CELF5: variants seen among roughly 807,000 people sequenced by gnomAD.
The protein encoded by CELF5 is CUG-BP and ETR-3 like factor 5.
A neutral mutation model predicts 54.9 loss-of-function variants in CELF5; 6 were observed. The observed-to-expected ratio is 0.11, with a 90% CI of 0.06 to 0.22. The LOEUF is 0.22. CELF5 is among the 10% of genes least tolerant of loss of function. CELF5 has a pLI of 1.00. For synonymous variants in CELF5, 271 were observed against 290.9 expected (o/e 0.93, Z 0.70); for missense variants, 401 against 678.6 (o/e 0.59, Z 4.54).
intron 1 of CELF5, among the ~76,000 whole-genome samples, chr19:3,225,794 T>G (rs1916875554): frequency 6.7e-6 from 1 of 149,450 alleles, no homozygotes; most frequent in African/African-American, 2.5e-5. Flanking sequence ...GCCTCCACCT[T>G]GGGCTCAAGT....
rs1478776939 is a variant in CELF5 at position 3,284,968 on chromosome 19, G to A, written c.1102+4G>A. ...TCCGGAGTCCAGCAGTACACAGGTA[G>A]GAGGCAGCCCGCGTGCCCGCGCTGG... On this transcript the variant is annotated splice_donor_region_variant and intron_variant, in intron 9 of 12. Coordinates refer to ENST00000292672, the MANE Select transcript of CELF5 (RefSeq NM_021938.4). 3 of 1,604,398 alleles carry A rather than the reference G, an allele frequency of 1.9e-6. No homozygotes were observed. Among genetic ancestry groups the A allele is most frequent in the African/African-American group, 1.3e-5 (1 of 74,844 alleles).
intron 3 of CELF5, among the ~76,000 whole-genome samples, chr19:3,274,521 A>G (rs1309813523): frequency 1.3e-5 from 2 of 152,168 alleles, no homozygotes; most frequent in African/African-American, 4.8e-5. Context: ...GTGTTTGCAC[A>G]TGTGTGCCTG....
At chr19:3,277,748 G>A (rs573529111) in intron 4 of CELF5, among the ~76,000 whole-genome samples, 2 of 152,058 alleles carry the variant, frequency 1.3e-5, no homozygotes, top group African/African-American at 2.4e-5. Context: ...TGTGTGTGTG[G>A]CTGTCTGTCT....
intron 1 of CELF5, among the ~76,000 whole-genome samples, chr19:3,246,182 G>A (rs976574969): frequency 6.6e-6 from 1 of 151,844 alleles, no homozygotes; most frequent in African/African-American, 2.4e-5. Context: ...TGGCCAACAT[G>A]GTGAAACCCT....
intron 11 of CELF5, 50 bp from the exon 12 acceptor site, chr19:3,293,269 C>A: frequency 6.2e-7 from 1 of 1,606,888 alleles, no homozygotes; most frequent in East Asian, 2.2e-5. Context: ...TAGGAACAAG[C>A]CGAGGACACC....
At chr19:3,235,351 C>T (rs1486209311) in intron 1 of CELF5, among the ~76,000 whole-genome samples, 1 of 151,678 alleles carries the variant, frequency 6.6e-6, no homozygotes, top group East Asian at 1.9e-4. Context: ...CTCTAACATA[C>T]TATATATATC....
intron 2 of CELF5, among the ~76,000 whole-genome samples, chr19:3,255,068 A>C (rs2079704372): frequency 6.6e-6 from 1 of 152,014 alleles, no homozygotes; most frequent in Admixed American, 6.6e-5. Context: ...TATTTACCCC[A>C]CGCTATGCTA....
chr19:3,225,636 C>T (rs1916862247), intron 1 of CELF5: 2 of 976,592 alleles, frequency 2.0e-6, no homozygotes, highest in South Asian at 4.7e-5. Context: ...CAAAGGAAGA[C>T]GGGTTGGGGG....
At chr19:3,284,819 T>C in intron 8 of CELF5, 83 bp from the exon 9 acceptor site, 5 of 1,197,736 alleles carry the variant, frequency 4.2e-6, no homozygotes, top group Non-Finnish European at 6.2e-6. Context: ...TGTTTGTTGC[T>C]GTCCTTGCGG....
At chr19:3,229,112 G>T (rs1917125184) in intron 1 of CELF5, among the ~76,000 whole-genome samples, 1 of 90,756 alleles carries the variant, frequency 1.1e-5, no homozygotes, top group South Asian at 3.3e-4. Context: ...CCCGCTTCAG[G>T]CAAAGAGCAT....
Position 3,255,802 on chromosome 19 carries a change from T to G in CELF5, c.342+4735T>G, listed in dbSNP as rs371092826. On this transcript the variant is annotated intron_variant, in intron 2 of 12. Coordinates refer to ENST00000292672, the MANE Select transcript of CELF5 (RefSeq NM_021938.4). ...AAGGTGGGTCAGGCGCGGTGGCTCA[T>G]GCCTGTAATCCCAGCACTTTGGGAG... 3.4e-4 allele frequency among the ~76,000 whole-genome samples: 51 copies of G among 152,174 alleles called. No homozygotes were observed. In the South Asian group the frequency reaches 9.6e-3, roughly 28 times the overall value.
chr19:3,234,536 C>T (rs1342473672), intron 1 of CELF5, among the ~76,000 whole-genome samples: 1 of 152,086 alleles, frequency 6.6e-6, no homozygotes, highest in Non-Finnish European at 1.5e-5. Context: ...CTCAATACCC[C>T]ACAGCGCCCA....
chr19:3,274,496 C>T (rs976745153), intron 3 of CELF5, among the ~76,000 whole-genome samples: 4 of 152,110 alleles, frequency 2.6e-5, no homozygotes, highest in African/African-American at 4.8e-5. Flanking sequence ...GTGCCCAGCC[C>T]GCGCATGGGT....
intron 2 of CELF5, among the ~76,000 whole-genome samples, chr19:3,257,551 C>T (rs1177559148): frequency 1.3e-5 from 2 of 151,956 alleles, no homozygotes; most frequent in African/African-American, 4.8e-5. Context: ...TCTCGGCTCA[C>T]TGCAACCTCT....
chr19:3,263,915 A>AAAT (rs1194588416), intron 2 of CELF5, among the ~76,000 whole-genome samples: 9 of 152,210 alleles, frequency 5.9e-5, no homozygotes, highest in African/African-American at 2.2e-4. Context: ...GAAAATAAAT[A>AAAT]AATAAATAAT....
At chr19:3,292,456 G>T (rs1287244746) in intron 11 of CELF5, among the ~76,000 whole-genome samples, 5 of 151,218 alleles carry the variant, frequency 3.3e-5, no homozygotes, top group Non-Finnish European at 7.4e-5. Context: ...GCTAATTTTT[G>T]TATTTTTAGT....
chr19:3,243,483 C>T (rs924182503), intron 1 of CELF5, among the ~76,000 whole-genome samples: 3 of 152,126 alleles, frequency 2.0e-5, no homozygotes, highest in Admixed American at 6.6e-5. Context: ...AATTTGACTA[C>T]GTTGCCTAGG....
chr19:3,246,653 CA>C lies in CELF5; in HGVS notation c.260-4331del, dbSNP rs2079571579. 2.0e-5 allele frequency among the ~76,000 whole-genome samples: 3 copies of C among 152,148 alleles called. No homozygotes were observed. The South Asian group carries it at 6.2e-4, about 32-fold the overall frequency. On this transcript the variant is annotated intron_variant, in intron 1 of 12. Coordinates refer to ENST00000292672, the MANE Select transcript of CELF5 (RefSeq NM_021938.4). ...ACTTGAGCCTGAGAGGTGGAAGCTG[CA>C]GTGAGCTGTGATCACACCACTGCAC... is the stretch of plus-strand genomic sequence containing the variant.
At chr19:3,269,668 C>G (rs757463444) in intron 2 of CELF5, among the ~76,000 whole-genome samples, 1 of 152,188 alleles carries the variant, frequency 6.6e-6, no homozygotes. Flanking sequence ...CCAGCCAGTG[C>G]AAGCCCACCC....
Sources: gnomAD v4.1 joint callset for allele counts (sites outside exome capture counted in the v4.1 genomes callset) on GRCh38, gnomAD v4.1.1 for gene constraint, MANE v1.5 for transcripts, NCBI Gene and HGNC (gene_info 2026-07-23, HGNC 2026-07-21) for gene names.